Variants in ESRRG observed in about 807,000 individuals in gnomAD.
ESRRG encodes the protein estrogen related receptor gamma.
ESRRG carries 13 observed loss-of-function variants against 44.0 expected under a neutral mutation model. The ratio of observed to expected loss-of-function variants is 0.30; its 90% CI spans 0.19 to 0.47. The LOEUF (loss-of-function observed/expected upper bound fraction) is 0.47, where lower values mean the gene tolerates loss of function less well. Among genes scored for constraint, ESRRG ranks in the 20% least tolerant of loss-of-function variants. The probability of loss-of-function intolerance (pLI) is 1.00; values close to 1 mark genes in which losing one functional copy is unlikely to be tolerated. For missense variants in ESRRG, 395 were observed against 580.6 expected, an observed-to-expected ratio of 0.68 and a Z score of 3.29; for synonymous variants, 215 against 214.6, an observed-to-expected ratio of 1.00 and a Z score of -0.02.
At chr1:216,586,855 G>A (rs1433022011) in intron 3 of ESRRG, among the ~76,000 whole-genome samples, 1 of 152,006 alleles carries the variant, frequency 6.6e-6, no homozygotes, top group Admixed American at 6.6e-5. Flanking sequence ...GGGATTACAG[G>A]AGTGAGCCAC....
chr1:216,983,676 G>A (rs1274390548), intron 1 of ESRRG, among the ~76,000 whole-genome samples: 1 of 88,320 alleles, frequency 1.1e-5, no homozygotes, highest in African/African-American at 5.2e-5. Flanking sequence ...TCCCTTTCGC[G>A]TGCATGTGCA....
intron 2 of ESRRG, among the ~76,000 whole-genome samples, chr1:216,914,965 C>T (rs1333419760): frequency 2.0e-5 from 3 of 152,148 alleles, no homozygotes; most frequent in Non-Finnish European, 4.4e-5. Context: ...GTTTCCCAGA[C>T]CTTTATTCAA....
intron 1 of ESRRG, among the ~76,000 whole-genome samples, chr1:217,098,950 C>G (rs566637917): frequency 3.3e-5 from 5 of 152,176 alleles, no homozygotes; most frequent in South Asian, 2.1e-4. Flanking sequence ...TCACCTTGCC[C>G]GCAGCCCAGT....
At chr1:217,072,274 G>A (rs1410175265) in intron 1 of ESRRG, among the ~76,000 whole-genome samples, 2 of 152,150 alleles carry the variant, frequency 1.3e-5, no homozygotes, top group Non-Finnish European at 2.9e-5. Context: ...CTCTATGCCA[G>A]GGATGTGGTG....
At chr1:216,527,466 C>G (rs1015632359) in intron 5 of ESRRG, among the ~76,000 whole-genome samples, 6 of 152,128 alleles carry the variant, frequency 3.9e-5, no homozygotes, top group African/African-American at 1.4e-4. Context: ...AACTGAAACT[C>G]TCTGGTAGAA....
At chr1:216,625,569 A>C (rs1277993765) in intron 3 of ESRRG, among the ~76,000 whole-genome samples, 1 of 152,162 alleles carries the variant, frequency 6.6e-6, no homozygotes, top group Non-Finnish European at 1.5e-5. Flanking sequence ...AGATGATAAC[A>C]TAGGAAGCAA....
chr1:216,595,694 G>A (rs933411375), intron 3 of ESRRG, among the ~76,000 whole-genome samples: 8 of 152,074 alleles, frequency 5.3e-5, no homozygotes, highest in African/African-American at 4.8e-5. Flanking sequence ...AAAGCTAAGG[G>A]TATTCTTGGC....
intron 3 of ESRRG, among the ~76,000 whole-genome samples, chr1:216,639,273 C>T (rs1321361881): frequency 6.6e-6 from 1 of 151,984 alleles, no homozygotes; most frequent in Non-Finnish European, 1.5e-5. Context: ...CACCCGCTCC[C>T]AAAAAAGAAC....
At chr1:217,047,288 G>A (rs180860644) in intron 1 of ESRRG, among the ~76,000 whole-genome samples, 25 of 152,186 alleles carry the variant, frequency 1.6e-4, no homozygotes, top group African/African-American at 5.8e-4. Context: ...CCACTTGGAT[G>A]TCTCATAGGA....
chr1:216,624,134 C>G (rs1310370304), intron 3 of ESRRG, among the ~76,000 whole-genome samples: 1 of 152,150 alleles, frequency 6.6e-6, no homozygotes. Flanking sequence ...AAAGGCCGGC[C>G]TTGGTCTCTT....
intron 1 of ESRRG, among the ~76,000 whole-genome samples, chr1:217,005,970 T>A (rs1394224286): frequency 1.3e-5 from 2 of 152,162 alleles, no homozygotes; most frequent in Non-Finnish European, 1.5e-5. Context: ...CAATAACTAA[T>A]AATTAGGGAC....
intron 2 of ESRRG, among the ~76,000 whole-genome samples, chr1:216,903,946 G>A (rs1256285159): frequency 6.6e-6 from 1 of 152,174 alleles, no homozygotes; most frequent in Admixed American, 6.5e-5. Context: ...GGAGGAGGCA[G>A]TGGGCCTGAT....
chr1:216,695,489 A>G (rs2079962825), intron 1 of ESRRG, among the ~76,000 whole-genome samples: 1 of 152,212 alleles, frequency 6.6e-6, no homozygotes, highest in South Asian at 2.1e-4. Flanking sequence ...GTCTATAATT[A>G]TCTCAAAATA....
intron 1 of ESRRG, among the ~76,000 whole-genome samples, chr1:217,077,884 C>A (rs1558218971): frequency 6.6e-6 from 1 of 152,134 alleles, no homozygotes; most frequent in Non-Finnish European, 1.5e-5. Flanking sequence ...TTAATGCCCA[C>A]AGTAATTGTC....
At chr1:217,136,195 G>T (rs1482876744) in intron 1 of ESRRG, among the ~76,000 whole-genome samples, 2 of 152,150 alleles carry the variant, frequency 1.3e-5, no homozygotes, top group Non-Finnish European at 1.5e-5. Flanking sequence ...GGCGGAGGGC[G>T]ATCCGGAGCC....
At chr1:216,842,311 A>G (rs1302781913) in intron 2 of ESRRG, among the ~76,000 whole-genome samples, 2 of 152,082 alleles carry the variant, frequency 1.3e-5, no homozygotes, top group Non-Finnish European at 2.9e-5. Flanking sequence ...TCAGAAAGAC[A>G]TTGCTTTCTA....
intron 1 of ESRRG, among the ~76,000 whole-genome samples, chr1:217,130,829 T>G (rs769357277): frequency 3.3e-5 from 5 of 152,154 alleles, no homozygotes; most frequent in Admixed American, 6.5e-5. Flanking sequence ...AAACTAAGTA[T>G]TCATCAAGCC....
chr1:216,814,118 GGA>G (rs1559737774), intron 2 of ESRRG, among the ~76,000 whole-genome samples: 1 of 143,864 alleles, frequency 7.0e-6, no homozygotes, highest in African/African-American at 2.7e-5. Flanking sequence ...CTTGGTCATG[GGA>G]AAAAAAAAAA....
At chr1:216,658,924 A>AAAT (rs1559070997) in intron 2 of ESRRG, among the ~76,000 whole-genome samples, 95 of 146,362 alleles carry the variant, frequency 6.5e-4, no homozygotes, top group African/African-American at 2.5e-3. Flanking sequence ...AGAAATAAAG[A>AAAT]AAAGAAAAGA....
Sources: gnomAD v4.1 joint callset for allele counts (sites outside exome capture counted in the v4.1 genomes callset) on GRCh38, gnomAD v4.1.1 for gene constraint, MANE v1.5 for transcripts, NCBI Gene and HGNC (gene_info 2026-07-23, HGNC 2026-07-21) for gene names.